Variants in NYAP2 observed in about 807,000 individuals in gnomAD.
NYAP2 encodes the protein neuronal tyrosine-phosphorylated phosphoinositide-3-kinase adaptor 2, also known as neuronal tyrosine-phosphorylated phosphoinositide-3-kinase adapter 2.
Under a neutral mutation model 50.4 loss-of-function variants are expected in NYAP2, and 23 were observed. The observed-to-expected ratio is 0.46, with a 90% CI of 0.33 to 0.65. NYAP2 has a LOEUF of 0.65. Ranked by LOEUF, NYAP2 falls within the 30% of genes least tolerant of loss-of-function variation. The pLI is 0.02. For synonymous variants in NYAP2, 394 were observed against 365.2 expected (o/e 1.08, Z -0.90); for missense variants, 885 against 861.0 (o/e 1.03, Z -0.35).
intron 3 of NYAP2, among the ~76,000 whole-genome samples, chr2:225,502,773 C>G (rs984979293): frequency 6.6e-6 from 1 of 152,180 alleles, no homozygotes; most frequent in Non-Finnish European, 1.5e-5. Flanking sequence ...ACTTGTTGTT[C>G]CATTGCACCT....
chr2:225,519,891 G>A (rs976771067), intron 4 of NYAP2, among the ~76,000 whole-genome samples: 1 of 152,148 alleles, frequency 6.6e-6, no homozygotes, highest in Non-Finnish European at 1.5e-5. Flanking sequence ...CCCACCAACA[G>A]TGTAAAAGTG....
At chr2:225,694,945 GA>G in the NYAP2 span, among the ~76,000 whole-genome samples, 5 of 149,756 alleles carry the variant, frequency 3.3e-5, no homozygotes, top group South Asian at 2.1e-4. Context: ...GAGTAAGTCT[GA>G]AAAAAAAAGT....
At chr2:225,613,320 A>T (rs1477446992) in intron 5 of NYAP2, among the ~76,000 whole-genome samples, 9 of 152,274 alleles carry the variant, frequency 5.9e-5, no homozygotes, top group African/African-American at 2.2e-4. Context: ...GATGAAAGCC[A>T]GAAGACTCAT....
intron 4 of NYAP2, among the ~76,000 whole-genome samples, chr2:225,515,357 A>G (rs1690909438): frequency 1.3e-5 from 2 of 152,198 alleles, no homozygotes; most frequent in Non-Finnish European, 2.9e-5. Flanking sequence ...TTTGTCAAGA[A>G]ACAACTTTAA....
the NYAP2 span, among the ~76,000 whole-genome samples, chr2:225,673,825 A>G: frequency 6.6e-6 from 1 of 152,116 alleles, no homozygotes; most frequent in African/African-American, 2.4e-5. Context: ...AGTACCTCCT[A>G]TCCACTCTTC....
chr2:225,513,751 C>T (rs976991477), intron 4 of NYAP2, 79 bp downstream of exon 4: 1 of 1,162,972 alleles, frequency 8.6e-7, no homozygotes, highest in Non-Finnish European at 1.1e-6. Flanking sequence ...GGGGCAAGTG[C>T]CTTCTTCACT....
the NYAP2 span, among the ~76,000 whole-genome samples, chr2:225,693,447 T>C: frequency 6.6e-6 from 1 of 152,078 alleles, no homozygotes; most frequent in Non-Finnish European, 1.5e-5. Flanking sequence ...TTACTACGGT[T>C]GATCGCCTGT....
chr2:225,438,434 G>T, intron 3 of NYAP2, among the ~76,000 whole-genome samples: 1 of 152,234 alleles, frequency 6.6e-6, no homozygotes, highest in East Asian at 1.9e-4. Flanking sequence ...GCATTATGGT[G>T]ACAGGGTCAT....
At chr2:225,627,328 A>T (rs994706935) in intron 6 of NYAP2, among the ~76,000 whole-genome samples, 26 of 152,366 alleles carry the variant, frequency 1.7e-4, no homozygotes, top group African/African-American at 6.3e-4. Context: ...TACAGAGATG[A>T]AAGATACCTG....
At chr2:225,604,277 C>T (rs1229825992) in intron 5 of NYAP2, among the ~76,000 whole-genome samples, 1 of 152,092 alleles carries the variant, frequency 6.6e-6, no homozygotes, top group African/African-American at 2.4e-5. Flanking sequence ...ACATAAAATT[C>T]CCAAAAGAAG....
the NYAP2 span, among the ~76,000 whole-genome samples, chr2:225,682,635 G>A: frequency 7.2e-5 from 11 of 152,130 alleles, no homozygotes; most frequent in Non-Finnish European, 2.9e-5. Context: ...AAGTTGTGTT[G>A]TCATTTCTTC....
At chr2:225,523,673 A>G (rs1215665009) in intron 4 of NYAP2, among the ~76,000 whole-genome samples, 1 of 152,106 alleles carries the variant, frequency 6.6e-6, no homozygotes, top group African/African-American at 2.4e-5. Flanking sequence ...TCCCTATCAA[A>G]TTACCAATGT....
At chr2:225,425,972 A>G (rs1051125708) in intron 3 of NYAP2, among the ~76,000 whole-genome samples, 11 of 152,158 alleles carry the variant, frequency 7.2e-5, no homozygotes, top group African/African-American at 2.7e-4. Context: ...GGGGAGAGGA[A>G]TAGTTAAGGG....
chr2:225,500,112 AT>A (rs1437732556), intron 3 of NYAP2, among the ~76,000 whole-genome samples: 3 of 152,192 alleles, frequency 2.0e-5, no homozygotes, highest in Admixed American at 2.0e-4. Flanking sequence ...AAATTGAAAT[AT>A]GTAGAGGAGA....
intron 5 of NYAP2, among the ~76,000 whole-genome samples, chr2:225,615,274 A>C (rs1350047214): frequency 1.3e-5 from 2 of 152,150 alleles, no homozygotes; most frequent in African/African-American, 2.4e-5. Context: ...AAATAGATTG[A>C]GTTCTCTGAG....
the NYAP2 span, among the ~76,000 whole-genome samples, chr2:225,680,043 C>T: frequency 1.3e-5 from 2 of 152,008 alleles, no homozygotes; most frequent in Non-Finnish European, 2.9e-5. Flanking sequence ...TAGATAGCAC[C>T]GGGTTTAACA....
intron 4 of NYAP2, among the ~76,000 whole-genome samples, chr2:225,521,538 G>C (rs1317620553): frequency 6.6e-6 from 1 of 152,058 alleles, no homozygotes; most frequent in East Asian, 1.9e-4. Flanking sequence ...TAATCATGTG[G>C]TTTTTGTCTT....
chr2:225,462,420 C>T (rs1439405419), intron 3 of NYAP2, among the ~76,000 whole-genome samples: 23 of 152,014 alleles, frequency 1.5e-4, no homozygotes. Flanking sequence ...CTGACTTCAC[C>T]TTTCTTTTGT....
rs565416186 is a variant in NYAP2, at chr2:225,649,096, G to A, written c.1829-2336G>A. Reference sequence around the variant, plus strand: ...ACTATGCACGTACTTGTGCAAGTGCGTGTGTATGTGTGTGTATGTGTGTAG... The same window carrying A: ...ACTATGCACGTACTTGTGCAAGTGCATGTGTATGTGTGTGTATGTGTGTAG... On this transcript the variant is annotated intron_variant, in intron 6 of 6. Transcript: ENST00000636099. Among the ~76,000 whole-genome samples the A allele has an allele frequency of 7.2e-5, 11 of 152,176 alleles. No individual in the cohort carries two copies. The East Asian group carries it at 7.7e-4, about 11-fold the overall frequency.
Sources: gnomAD v4.1 joint callset for allele counts (sites outside exome capture counted in the v4.1 genomes callset) on GRCh38, gnomAD v4.1.1 for gene constraint, MANE v1.5 for transcripts, NCBI Gene and HGNC (gene_info 2026-07-23, HGNC 2026-07-21) for gene names.